Variants in ARHGAP32 observed in about 807,000 individuals in gnomAD.
ARHGAP32 encodes the protein rho GTPase-activating protein 32.
ARHGAP32 carries 51 observed loss-of-function variants against 186.5 expected under a neutral mutation model. That is an observed-to-expected ratio of 0.27 (90% CI 0.22 to 0.35). ARHGAP32 has a LOEUF of 0.35. Among genes scored for constraint, ARHGAP32 ranks in the 10% least tolerant of loss-of-function variants. The probability of loss-of-function intolerance (pLI) is 1.00; values close to 1 mark genes in which losing one functional copy is unlikely to be tolerated. For synonymous variants in ARHGAP32, 950 were observed against 964.3 expected (o/e 0.99, Z 0.27); for missense variants, 2,186 against 2,623.5 (o/e 0.83, Z 3.64).
In ARHGAP32 at chr11:128,998,344, T is replaced by C. The variant is rs670440; in HGVS notation, c.1170A>G (p.Glu390=). The C allele has an allele frequency of 0.67, 1,050,619 of 1,571,938 alleles. 354,616 individuals carry two copies. Among genetic ancestry groups the C allele is most frequent in the Non-Finnish European group, 0.7 (804,709 of 1,157,544 alleles). The change falls in exon 12 of 23, where the codon GAA becomes GAG. Residue 390 remains glutamate (E), a synonymous_variant. Coordinates refer to ENST00000682385, the MANE Select transcript of ARHGAP32 (RefSeq NM_001378024.1). ...CTTCAAAACCAGAATTTAGAAGGTG[T>C]TCCCCCAGGTCACAACCAAACACCC... ...KERVFGCDLG[E]HLLNSGFEVP...
At chr11:129,108,279 A>G (rs1378237573) in intron 5 of ARHGAP32, among the ~76,000 whole-genome samples, 1 of 152,188 alleles carries the variant, frequency 6.6e-6, no homozygotes, top group East Asian at 1.9e-4. Context: ...CCAAAGATAC[A>G]AATATGTTGA....
chr11:129,179,487 A>G (rs1168610131), intron 1 of ARHGAP32, among the ~76,000 whole-genome samples: 4 of 152,070 alleles, frequency 2.6e-5, no homozygotes, highest in African/African-American at 9.7e-5. Flanking sequence ...ATAAAGACAC[A>G]TGCACACGTA....
At chr11:129,031,107 T>C (rs1197162123) in intron 11 of ARHGAP32, among the ~76,000 whole-genome samples, 2 of 152,214 alleles carry the variant, frequency 1.3e-5, no homozygotes, top group Admixed American at 6.5e-5. Context: ...ATCTCAGGTA[T>C]TTCTTTACAG....
chr11:129,002,805 A>ATTTT (rs36036048), intron 11 of ARHGAP32, among the ~76,000 whole-genome samples: 3,090 of 107,984 alleles, frequency 0.029, 149 homozygotes, highest in African/African-American at 0.049. Context: ...AGGGATGTTG[A>ATTTT]TTTTTTTTTT....
intron 6 of ARHGAP32, among the ~76,000 whole-genome samples, chr11:129,067,816 AGGGTATCACCTCATGAGAGGGT>A (rs1215246155): frequency 6.6e-6 from 1 of 152,086 alleles, no homozygotes; most frequent in Non-Finnish European, 1.5e-5. Flanking sequence ...GCAGAAACAG[AGGGTATCACCTCATGAGAGGGT>A]GCTGATTTCT....
rs750659563 is a variant in ARHGAP32, at chr11:128,965,960, G to T, written c.*2947C>A. The T allele has an allele frequency of 6.6e-6, 1 of 152,178 alleles. No homozygotes were observed. The highest frequency in any genetic ancestry group is 6.5e-5 in the Admixed American group (1 of 15,278). The allele number at this position is 152,178 out of a possible 1,614,324, so 9.4% of individuals were successfully genotyped here. A position where few individuals can be genotyped will look rare whatever the true frequency, so the allele number is the denominator to read the frequency against. ...AAATTTTAAAAAATGCTTTGCCATT[G>T]TAAGAAATGTGCAGGCCCTAGTCGT... is the stretch of plus-strand genomic sequence containing the variant. On this transcript the variant is annotated 3_prime_UTR_variant, in exon 23 of 23. Coordinates refer to ENST00000682385, the MANE Select transcript of ARHGAP32 (RefSeq NM_001378024.1).
chr11:129,064,998 GA>G, intron 7 of ARHGAP32, 65 bp from the exon 8 acceptor site: 1 of 1,336,026 alleles, frequency 7.5e-7, no homozygotes, highest in Non-Finnish European at 1.0e-6. Flanking sequence ...GGGAAAACTG[GA>G]TGGTTTCTGG....
chr11:129,197,391 A>G (rs1351494948), intron 1 of ARHGAP32, among the ~76,000 whole-genome samples: 1 of 152,216 alleles, frequency 6.6e-6, no homozygotes, highest in Non-Finnish European at 1.5e-5. Flanking sequence ...TGATGCTCTG[A>G]CATCGTTGTT....
chr11:129,217,942 G>A (rs1294887393), intron 1 of ARHGAP32, among the ~76,000 whole-genome samples: 1 of 152,078 alleles, frequency 6.6e-6, no homozygotes, highest in Middle Eastern at 3.2e-3. Flanking sequence ...TGCAAAATTG[G>A]ACTAATAGGA....
chr11:128,989,553 C>CAT (rs1386436130), intron 12 of ARHGAP32, among the ~76,000 whole-genome samples: 1 of 150,512 alleles, frequency 6.6e-6, no homozygotes, highest in Non-Finnish European at 1.5e-5. Context: ...CACACACACA[C>CAT]ACATACATAT....
intron 11 of ARHGAP32, among the ~76,000 whole-genome samples, chr11:128,999,212 A>C (rs1337251864): frequency 6.6e-6 from 1 of 152,172 alleles, no homozygotes; most frequent in Non-Finnish European, 1.5e-5. Flanking sequence ...GAGGTCTCTA[A>C]CATGGCCGCT....
chr11:129,064,146 A>AC lies in ARHGAP32; in HGVS notation c.763-123_763-122insG. On this transcript the variant is annotated intron_variant, in intron 8 of 22. Coordinates refer to ENST00000682385, the MANE Select transcript of ARHGAP32 (RefSeq NM_001378024.1). ...AATAACCCAAAGAGTCTTAAAAAAA[A>AC]AAACTACCATTTACTGGGTAGTAAA... 3.3e-6 allele frequency: 3 copies of AC among 917,390 alleles called. No homozygotes were observed. The East Asian group carries it at 8.4e-5, about 26-fold the overall frequency. 56.8% of individuals were successfully genotyped at this position (917,390 alleles called of 1,614,324 possible).
intron 1 of ARHGAP32, among the ~76,000 whole-genome samples, chr11:129,174,137 G>A (rs974883510): frequency 6.6e-6 from 1 of 152,246 alleles, no homozygotes; most frequent in Non-Finnish European, 1.5e-5. Context: ...GGGAAGCGCA[G>A]AGGGTCAGGG....
chr11:129,210,264 A>G (rs537960513), intron 1 of ARHGAP32, among the ~76,000 whole-genome samples: 1 of 152,230 alleles, frequency 6.6e-6, no homozygotes, highest in Non-Finnish European at 1.5e-5. Flanking sequence ...AGAAACCTTG[A>G]AAACAGTCTA....
At chr11:129,269,384 T>A (rs1324887812) in intron 1 of ARHGAP32, among the ~76,000 whole-genome samples, 2 of 152,078 alleles carry the variant, frequency 1.3e-5, no homozygotes, top group African/African-American at 4.8e-5. Context: ...ATACAGGTAA[T>A]CATGATGGTC....
intron 6 of ARHGAP32, 88 bp downstream of exon 6, chr11:129,093,533 G>T: frequency 1.1e-6 from 1 of 901,008 alleles, no homozygotes; most frequent in South Asian, 1.5e-5. Flanking sequence ...ATATCCTTTA[G>T]GCAAATCACG....
In ARHGAP32 at chr11:129,209,688, A is replaced by G. The variant is rs183303754; in HGVS notation, c.-4-45261T>C. ...TTTTGCAAAAAAAAAAAAATTGTAA[A>G]AAGTTCTGAAAAATGTAATACATGA... On this transcript the variant is annotated intron_variant, in intron 1 of 6. Coordinates refer to the ARHGAP32 transcript ENST00000525234. 8.0e-3 allele frequency among the ~76,000 whole-genome samples: 1,215 copies of G among 152,258 alleles called. 8 individuals carry two copies. The highest frequency in any genetic ancestry group is 0.031 in the South Asian group (150 of 4,828).
chr11:129,239,801 A>G (rs575718910), intron 1 of ARHGAP32, among the ~76,000 whole-genome samples: 2 of 152,136 alleles, frequency 1.3e-5, no homozygotes, highest in East Asian at 1.9e-4. Flanking sequence ...CAAACAGCCA[A>G]CTCTCTAAAA....
intron 2 of ARHGAP32, among the ~76,000 whole-genome samples, chr11:129,128,997 G>A (rs968769520): frequency 3.9e-5 from 6 of 152,156 alleles, no homozygotes; most frequent in Admixed American, 3.3e-4. Flanking sequence ...CCTCTGCCTG[G>A]CCGCCACCCC....
Sources: gnomAD v4.1 joint callset for allele counts (sites outside exome capture counted in the v4.1 genomes callset) on GRCh38, gnomAD v4.1.1 for gene constraint, MANE v1.5 for transcripts, NCBI Gene and HGNC (gene_info 2026-07-23, HGNC 2026-07-21) for gene names.